HNRNPLL: variants seen among roughly 807,000 people sequenced by gnomAD.
HNRNPLL encodes the protein heterogeneous nuclear ribonucleoprotein L-like.
HNRNPLL carries 25 observed loss-of-function variants against 67.1 expected under a neutral mutation model. The observed-to-expected ratio is 0.37, with a 90% CI of 0.27 to 0.52. The LOEUF (loss-of-function observed/expected upper bound fraction) is 0.52, where lower values mean the gene tolerates loss of function less well. HNRNPLL is among the 20% of genes least tolerant of loss of function. The probability of loss-of-function intolerance (pLI) is 0.90; values close to 1 mark genes in which losing one functional copy is unlikely to be tolerated. For synonymous variants in HNRNPLL, 267 were observed against 241.7 expected, an observed-to-expected ratio of 1.10 and a Z score of -0.97; for missense variants, 542 against 673.9, an observed-to-expected ratio of 0.80 and a Z score of 2.17.
rs72905878 is a variant in HNRNPLL at position 38,563,630 on chromosome 2, G to C, written c.*552C>G. 6.6e-6 allele frequency: 1 copy of C among 152,420 alleles called. No individual in the cohort carries two copies. Among genetic ancestry groups the C allele is most frequent in the African/African-American group, 2.4e-5 (1 of 41,404 alleles). The allele number at this position is 152,420 out of a possible 1,614,324, so 9.4% of individuals were successfully genotyped here. A position where few individuals can be genotyped will look rare whatever the true frequency, so the allele number is the denominator to read the frequency against. On this transcript the variant is annotated 3_prime_UTR_variant, in exon 13 of 13. Coordinates refer to ENST00000449105, the MANE Select transcript of HNRNPLL (RefSeq NM_138394.4). ...ATAAGTTTGAATGCATACTGTACAC[G>C]TGTATCCATGTCTGTTAGCCTTTCA...
In HNRNPLL at chr2:38,602,654, G is replaced by C. The variant is rs1228314093; in HGVS notation, c.-28C>G. 6.8e-7 allele frequency: 1 copy of C among 1,478,220 alleles called. No individual in the cohort carries two copies. Among genetic ancestry groups the C allele is most frequent in the Non-Finnish European group, 8.9e-7 (1 of 1,118,450 alleles). 91.6% of individuals were successfully genotyped at this position (1,478,220 alleles called of 1,614,324 possible). On this transcript the variant is annotated 5_prime_UTR_variant, in exon 1 of 13. Coordinates refer to ENST00000449105, the MANE Select transcript of HNRNPLL (RefSeq NM_138394.4). ...CGGCGGCCGGAGGGACCGGCTGGCAGGCGGGTGGGGGTGGCGGTGGGGCGC... is the reference window on the plus strand; with the variant it reads ...CGGCGGCCGGAGGGACCGGCTGGCACGCGGGTGGGGGTGGCGGTGGGGCGC...
chr2:38,599,090 G>A (rs970531837), intron 1 of HNRNPLL, among the ~76,000 whole-genome samples: 1 of 152,174 alleles, frequency 6.6e-6, no homozygotes, highest in Admixed American at 6.5e-5. Context: ...TTTACATTGT[G>A]CAAGTATAAC....
At chr2:38,566,789 G>A (rs1185360028) in intron 12 of HNRNPLL, among the ~76,000 whole-genome samples, 4 of 149,150 alleles carry the variant, frequency 2.7e-5, no homozygotes, top group Non-Finnish European at 5.9e-5. Context: ...TTCAAGACCA[G>A]CCTGGGCAAC....
At chr2:38,576,575 T>C (rs1363845196) in intron 7 of HNRNPLL, among the ~76,000 whole-genome samples, 2 of 151,354 alleles carry the variant, frequency 1.3e-5, no homozygotes, top group African/African-American at 4.8e-5. Flanking sequence ...AACACACTAC[T>C]ACAGTTCAAA....
chr2:38,582,831 A>C (rs1375664649), intron 4 of HNRNPLL, among the ~76,000 whole-genome samples: 1 of 151,908 alleles, frequency 6.6e-6, no homozygotes, highest in Non-Finnish European at 1.5e-5. Context: ...GAGACACGGG[A>C]ATCACTTGAC....
At chr2:38,598,213 G>C (rs759069454) in intron 1 of HNRNPLL, among the ~76,000 whole-genome samples, 1 of 152,146 alleles carries the variant, frequency 6.6e-6, no homozygotes, top group Non-Finnish European at 1.5e-5. Flanking sequence ...CGGGGGAAGA[G>C]GGGAAGATCA....
rs745768434 is a variant in HNRNPLL at position 38,573,394 on chromosome 2, C to T, written c.908G>A (p.Arg303His). 8 of 1,610,886 alleles carry T rather than the reference C, an allele frequency of 5.0e-6. No individual in the cohort carries two copies. Among genetic ancestry groups the T allele is most frequent in the South Asian group, 2.2e-5 (2 of 90,686 alleles). ...TGTATCTCGAGAGCCCATTCTGTAACGACTTGGTAAAGGCAATAATGGACC... is the reference window on the plus strand; with the variant it reads ...TGTATCTCGAGAGCCCATTCTGTAATGACTTGGTAAAGGCAATAATGGACC... ...SHGPLLPLPS[R>H]YRMGSRDTPE... The change falls in exon 8 of 13, where the codon CGT (arginine) becomes CAT (histidine). Residue 303 changes from arginine to histidine, a missense_variant. By Grantham distance (29) the Arg-to-His change is conservative. This residue lies in a region of HNRNPLL where 415 missense variants were observed against 575.2 expected (regional missense o/e 0.72). Coordinates refer to ENST00000449105, the MANE Select transcript of HNRNPLL (RefSeq NM_138394.4).
chr2:38,595,830 C>A (rs566402473), intron 1 of HNRNPLL, among the ~76,000 whole-genome samples: 15 of 151,836 alleles, frequency 9.9e-5, no homozygotes, highest in African/African-American at 3.1e-4. Context: ...GGCGACAGAG[C>A]GAGACTCCGT....
chr2:38,579,102 A>G (rs529142562), intron 6 of HNRNPLL, among the ~76,000 whole-genome samples: 1 of 152,184 alleles, frequency 6.6e-6, no homozygotes, highest in African/African-American at 2.4e-5. Context: ...CAACAACCAT[A>G]ATGTCTTCAT....
intron 12 of HNRNPLL, 50 bp from the exon 13 acceptor site, chr2:38,564,287 A>G: frequency 4.1e-6 from 4 of 982,328 alleles, no homozygotes; most frequent in Non-Finnish European, 6.6e-6. Context: ...AACTTTCAAG[A>G]TCACCTTGAA....
chr2:38,575,966 A>T (rs1573730355), intron 7 of HNRNPLL, among the ~76,000 whole-genome samples: 1 of 151,810 alleles, frequency 6.6e-6, no homozygotes, highest in Admixed American at 6.6e-5. Flanking sequence ...TAAATATCTT[A>T]ATGGACATAG....
intron 4 of HNRNPLL, 35 bp downstream of exon 4, chr2:38,583,806 T>A: frequency 1.0e-6 from 1 of 990,048 alleles, no homozygotes; most frequent in Non-Finnish European, 1.6e-6. Flanking sequence ...TCCGTATGAA[T>A]TACACATCAA....
Position 38,563,840 on chromosome 2 carries a change from C to CT in HNRNPLL, c.*341dup. On this transcript the variant is annotated 3_prime_UTR_variant, in exon 13 of 13. Coordinates refer to ENST00000449105, the MANE Select transcript of HNRNPLL (RefSeq NM_138394.4). ...GCAATACTTTCACCTGCATTAATCT[C>CT]TTACACAATGAAAAAATACTTGCAG... 5.2e-6 allele frequency: 1 copy of CT among 192,218 alleles called. No individual in the cohort carries two copies. The highest frequency in any genetic ancestry group is 1.1e-5 in the Non-Finnish European group (1 of 94,480). 11.9% of individuals were successfully genotyped at this position (192,218 alleles called of 1,614,324 possible).
intron 3 of HNRNPLL, among the ~76,000 whole-genome samples, chr2:38,584,455 G>A (rs181931212): frequency 6.6e-6 from 1 of 152,248 alleles, no homozygotes; most frequent in Admixed American, 6.5e-5. Context: ...GGAAAGCACT[G>A]TCACCTATTT....
intron 1 of HNRNPLL, 162 bp downstream of exon 1, chr2:38,602,276 G>A (rs1004505241): frequency 7.2e-5 from 47 of 653,448 alleles, no homozygotes; most frequent in Non-Finnish European, 1.0e-4. Flanking sequence ...CGGGAAACAG[G>A]TAGAGGCCAG....
In HNRNPLL at chr2:38,563,837, T is replaced by C. The variant is rs1665747297; in HGVS notation, c.*345A>G. 5.6e-6 allele frequency: 1 copy of C among 179,068 alleles called. No homozygotes were observed. The highest frequency in any genetic ancestry group is 1.2e-5 in the Non-Finnish European group (1 of 86,160). The allele number at this position is 179,068 out of a possible 1,614,324, so 11.1% of individuals were successfully genotyped here. On this transcript the variant is annotated 3_prime_UTR_variant, in exon 13 of 13. Coordinates refer to ENST00000449105, the MANE Select transcript of HNRNPLL (RefSeq NM_138394.4). ...AATGCAATACTTTCACCTGCATTAA[T>C]CTCTTACACAATGAAAAAATACTTG...
intron 6 of HNRNPLL, among the ~76,000 whole-genome samples, chr2:38,579,766 GT>G (rs1243109703): frequency 6.6e-6 from 1 of 151,714 alleles, no homozygotes. Context: ...AAAAAAAAAT[GT>G]TATGAAGGTC....
At chr2:38,583,817 TA>T in intron 4 of HNRNPLL, 23 bp downstream of exon 4, 3 of 1,160,100 alleles carry the variant, frequency 2.6e-6, no homozygotes, top group Non-Finnish European at 3.8e-6. Context: ...TACACATCAA[TA>T]AAAATTTACA....
At chr2:38,588,162 T>C (rs895720947) in intron 2 of HNRNPLL, among the ~76,000 whole-genome samples, 2 of 152,192 alleles carry the variant, frequency 1.3e-5, no homozygotes, top group Non-Finnish European at 2.9e-5. Flanking sequence ...TTTATAGCAA[T>C]ATAGCAATGT....
Sources: gnomAD v4.1 joint callset for allele counts (sites outside exome capture counted in the v4.1 genomes callset) on GRCh38, gnomAD v4.1.1 for gene constraint, gnomAD v4.1.1 regional missense constraint, MANE v1.5 for transcripts, NCBI Gene and HGNC (gene_info 2026-07-23, HGNC 2026-07-21) for gene names.